The following SMYD3 variants were observed in gnomAD, a reference collection of about 807,000 sequenced individuals.
SMYD3 encodes the protein histone-lysine N-methyltransferase SMYD3.
A neutral mutation model predicts 57.7 loss-of-function variants in SMYD3; 36 were observed. That is an observed-to-expected ratio of 0.62 (90% CI 0.48 to 0.82). The LOEUF is 0.82. Ranked by LOEUF, SMYD3 falls within the 40% of genes least tolerant of loss-of-function variation. SMYD3 has a pLI of 0.00. For synonymous variants in SMYD3, 211 were observed against 195.0 expected, an observed-to-expected ratio of 1.08 and a Z score of -0.68; for missense variants, 515 against 538.8, an observed-to-expected ratio of 0.96 and a Z score of 0.44.
intron 5 of SMYD3, among the ~76,000 whole-genome samples, chr1:246,233,175 T>C (rs577995750): frequency 8.0e-6 from 1 of 124,684 alleles, no homozygotes; most frequent in South Asian, 3.7e-4. Flanking sequence ...GTGATGAACA[T>C]ATACCACACA....
At chr1:246,128,380 C>T (rs1435336258) in intron 5 of SMYD3, among the ~76,000 whole-genome samples, 1 of 152,180 alleles carries the variant, frequency 6.6e-6, no homozygotes, top group African/African-American at 2.4e-5. Context: ...CTATACAGTC[C>T]AGCATGCTGA....
intron 5 of SMYD3, among the ~76,000 whole-genome samples, chr1:246,139,034 C>T (rs1414080914): frequency 6.6e-6 from 1 of 152,146 alleles, no homozygotes; most frequent in East Asian, 1.9e-4. Flanking sequence ...TGCCTGAATA[C>T]TCTCAAGGAA....
chr1:246,342,943 A>C (rs2065655123), intron 2 of SMYD3, among the ~76,000 whole-genome samples: 1 of 152,180 alleles, frequency 6.6e-6, no homozygotes, highest in African/African-American at 2.4e-5. Context: ...TTCATTTTAC[A>C]TTTTTACATT....
chr1:245,855,013 A>T (rs1303112082), intron 10 of SMYD3, among the ~76,000 whole-genome samples: 1 of 152,218 alleles, frequency 6.6e-6, no homozygotes, highest in Non-Finnish European at 1.5e-5. Flanking sequence ...TCTCACACGG[A>T]ACATTTCCAG....
intron 7 of SMYD3, among the ~76,000 whole-genome samples, chr1:245,925,627 C>T (rs1008540621): frequency 5.9e-5 from 9 of 152,172 alleles, no homozygotes; most frequent in Non-Finnish European, 1.3e-4. Flanking sequence ...GCAATAGTGT[C>T]CCCACAAGAA....
At chr1:246,348,077 T>TATATATATATATATATATATACAC in intron 2 of SMYD3, among the ~76,000 whole-genome samples, 31 of 86,504 alleles carry the variant, frequency 3.6e-4, no homozygotes, top group Non-Finnish European at 6.0e-4. Context: ...TATATATATA[T>TATATATATATATATATATATACAC]ACACACACAC....
At chr1:245,999,189 C>G (rs1014840618) in intron 5 of SMYD3, among the ~76,000 whole-genome samples, 6 of 151,226 alleles carry the variant, frequency 4.0e-5, no homozygotes, top group Non-Finnish European at 8.8e-5. Context: ...AACAACCAAA[C>G]ATGAAACCAA....
intron 5 of SMYD3, among the ~76,000 whole-genome samples, chr1:246,043,323 G>C (rs1243216407): frequency 6.6e-6 from 1 of 152,188 alleles, no homozygotes; most frequent in Non-Finnish European, 1.5e-5. Flanking sequence ...TAAAGCAGTA[G>C]AAGCCAATCA....
chr1:245,858,081 C>G (rs1252237963), intron 10 of SMYD3, among the ~76,000 whole-genome samples: 1 of 152,188 alleles, frequency 6.6e-6, no homozygotes. Flanking sequence ...GTCAGCCAGA[C>G]CAAGGGCCCC....
chr1:246,462,504 G>A (rs1459633985), intron 1 of SMYD3, among the ~76,000 whole-genome samples: 7 of 152,080 alleles, frequency 4.6e-5, no homozygotes, highest in Non-Finnish European at 1.0e-4. Context: ...AGCAATGGAA[G>A]GGTCACACAG....
chr1:245,793,120 T>C (rs2791389), intron 10 of SMYD3, among the ~76,000 whole-genome samples: 82,856 of 143,900 alleles, frequency 0.58, 25,532 homozygotes, highest in Middle Eastern at 0.74. Context: ...CCATCCTGGC[T>C]AACACGGTGA....
rs566717432 is a variant in SMYD3, at chr1:245,940,439, C to T, written c.532-10502G>A. Among the ~76,000 whole-genome samples, 3 of 152,256 alleles carry T rather than the reference C, an allele frequency of 2.0e-5. No homozygotes were observed. The East Asian group carries it at 5.8e-4, about 29-fold the overall frequency. On this transcript the variant is annotated intron_variant, in intron 5 of 11. Coordinates refer to ENST00000490107, the MANE Select transcript of SMYD3 (RefSeq NM_001167740.2). ...AGCTCCCAGAGGAAGGGGCAGGCAGCCATCTGTGCTATTCTGCAGCCTCCA... is the reference window on the plus strand; with the variant it reads ...AGCTCCCAGAGGAAGGGGCAGGCAGTCATCTGTGCTATTCTGCAGCCTCCA...
chr1:245,767,270 G>A (rs369403239), intron 10 of SMYD3, among the ~76,000 whole-genome samples: 3 of 152,148 alleles, frequency 2.0e-5, no homozygotes, highest in African/African-American at 4.8e-5. Context: ...TCCAAGGACC[G>A]TGAGGACTAA....
rs182972460 is a variant in SMYD3 at position 245,908,210 on chromosome 1, T to A, written c.813+7320A>T. Among the ~76,000 whole-genome samples the A allele has an allele frequency of 4.8e-3, 723 of 150,996 alleles. 6 individuals carry two copies. Among genetic ancestry groups the A allele is most frequent in the African/African-American group, 0.016 (642 of 41,270 alleles). ...CAAAGCTGAGCAGGAGTAGCTGTAG[T>A]GTATCACACAAAATAGACATTAAGT... is the stretch of plus-strand genomic sequence containing the variant. On this transcript the variant is annotated intron_variant, in intron 8 of 11. Transcript: ENST00000490107.
chr1:246,459,571 C>T (rs947836056), intron 1 of SMYD3, among the ~76,000 whole-genome samples: 1 of 152,202 alleles, frequency 6.6e-6, no homozygotes, highest in Non-Finnish European at 1.5e-5. Context: ...CCTTCTCCTT[C>T]GCTTCCAGTT....
intron 10 of SMYD3, among the ~76,000 whole-genome samples, chr1:245,787,496 C>G: frequency 6.6e-6 from 1 of 152,150 alleles, no homozygotes; most frequent in African/African-American, 2.4e-5. Context: ...GGCTGAAGGA[C>G]TCACCAACGG....
chr1:245,853,983 T>C (rs1377345035), intron 10 of SMYD3, among the ~76,000 whole-genome samples: 1 of 152,252 alleles, frequency 6.6e-6, no homozygotes, highest in Non-Finnish European at 1.5e-5. Flanking sequence ...CCTCTTTCTC[T>C]GATCACAACT....
chr1:246,220,537 C>T (rs1180984180), intron 5 of SMYD3, among the ~76,000 whole-genome samples: 1 of 152,152 alleles, frequency 6.6e-6, no homozygotes, highest in Non-Finnish European at 1.5e-5. Context: ...TCAGAAATGC[C>T]TGCTTCAGCT....
intron 5 of SMYD3, among the ~76,000 whole-genome samples, chr1:246,306,340 C>A (rs558379514): frequency 7.9e-5 from 12 of 151,960 alleles, no homozygotes; most frequent in Non-Finnish European, 1.6e-4. Flanking sequence ...GAGCAAGACT[C>A]CGTCTCAAAA....
Sources: gnomAD v4.1 joint callset for allele counts (sites outside exome capture counted in the v4.1 genomes callset) on GRCh38, gnomAD v4.1.1 for gene constraint, MANE v1.5 for transcripts, NCBI Gene and HGNC (gene_info 2026-07-23, HGNC 2026-07-21) for gene names.